CPED1: variants seen among roughly 807,000 people sequenced by gnomAD.
CPED1 encodes cadherin like and PC-esterase domain containing 1.
CPED1 carries 114 observed loss-of-function variants against 128.2 expected under a neutral mutation model. The ratio of observed to expected loss-of-function variants is 0.89; its 90% CI spans 0.76 to 1.04. The LOEUF (loss-of-function observed/expected upper bound fraction) is 1.04, where lower values mean the gene tolerates loss of function less well. CPED1 is among the 50% of genes least tolerant of loss of function. The probability of loss-of-function intolerance (pLI) is 0.00; values close to 1 mark genes in which losing one functional copy is unlikely to be tolerated. For missense variants in CPED1, 1,211 were observed against 1,207.1 expected (o/e 1.00, Z -0.05); for synonymous variants, 462 against 426.7 (o/e 1.08, Z -1.02).
intron 18 of CPED1, among the ~76,000 whole-genome samples, chr7:121,244,575 A>AGTCTT (rs1463495138): frequency 3.3e-5 from 5 of 152,220 alleles, no homozygotes; most frequent in African/African-American, 1.2e-4. Flanking sequence ...AGGATATTAA[A>AGTCTT]GTCTTGTCCT....
intron 6 of CPED1, 88 bp from the exon 7 acceptor site, chr7:121,099,838 A>G: frequency 7.3e-7 from 1 of 1,373,176 alleles, no homozygotes; most frequent in Non-Finnish European, 1.0e-6. Context: ...AAAGGATAGA[A>G]GCAGTTTACA....
In CPED1 at chr7:121,141,152, AT is replaced by A. The variant is rs547593347; in HGVS notation, c.1886+147del. 965 of 573,728 alleles carry A rather than the reference AT, an allele frequency of 1.7e-3. 3 individuals are homozygous for A. Among genetic ancestry groups the A allele is most frequent in the Non-Finnish European group, 2.4e-3 (841 of 350,986 alleles). 35.5% of individuals were successfully genotyped at this position (573,728 alleles called of 1,614,324 possible). ...CCAGGATGTGAACTTTCCCCTTCTC[AT>A]TTTTTTTAAAAAAGATTTGTAACCT... is the stretch of plus-strand genomic sequence containing the variant. On this transcript the variant is annotated intron_variant, in intron 15 of 22. Coordinates refer to ENST00000310396, the MANE Select transcript of CPED1 (RefSeq NM_024913.5).
At chr7:121,164,374 G>A (rs1273175723) in intron 16 of CPED1, among the ~76,000 whole-genome samples, 3 of 152,210 alleles carry the variant, frequency 2.0e-5, no homozygotes, top group Non-Finnish European at 4.4e-5. Flanking sequence ...CCGAAAGACA[G>A]TAGGACTATG....
chr7:121,217,039 GCA>G (rs1384065754), intron 16 of CPED1, among the ~76,000 whole-genome samples: 10 of 151,906 alleles, frequency 6.6e-5, no homozygotes, highest in African/African-American at 2.4e-4. Flanking sequence ...TTGAGAGGTT[GCA>G]CAGTTTTGGT....
At chr7:121,202,336 T>A (rs1025870466) in intron 16 of CPED1, among the ~76,000 whole-genome samples, 1 of 152,074 alleles carries the variant, frequency 6.6e-6, no homozygotes, top group Non-Finnish European at 1.5e-5. Flanking sequence ...CGGCAACCAG[T>A]CATTGGAGAC....
chr7:121,212,649 C>G (rs901073752), intron 16 of CPED1, among the ~76,000 whole-genome samples: 1 of 151,634 alleles, frequency 6.6e-6, no homozygotes, highest in African/African-American at 2.4e-5. Flanking sequence ...GGGGCTATGG[C>G]AGGCTCACAT....
At chr7:121,172,706 A>G (rs1046326963) in intron 16 of CPED1, among the ~76,000 whole-genome samples, 7 of 152,124 alleles carry the variant, frequency 4.6e-5, no homozygotes, top group South Asian at 2.1e-4. Flanking sequence ...AGATAGATGT[A>G]TTAGTTAAAA....
At chr7:120,998,241 C>T (rs763813402) in intron 2 of CPED1, among the ~76,000 whole-genome samples, 7 of 152,146 alleles carry the variant, frequency 4.6e-5, no homozygotes, top group Admixed American at 2.0e-4. Flanking sequence ...TATCCAGCTT[C>T]GAATACTTTG....
At chr7:121,207,404 TA>T (rs1192864337) in intron 16 of CPED1, among the ~76,000 whole-genome samples, 5 of 152,100 alleles carry the variant, frequency 3.3e-5, no homozygotes, top group African/African-American at 1.2e-4. Context: ...TAACTTAAAG[TA>T]AAAAATGTAA....
intron 5 of CPED1, among the ~76,000 whole-genome samples, chr7:121,090,156 G>A (rs1224953359): frequency 6.6e-6 from 1 of 152,192 alleles, no homozygotes; most frequent in Admixed American, 6.5e-5. Flanking sequence ...CTACAAAGAA[G>A]AGCGTTCATG....
rs1412919289 is a variant in CPED1, at chr7:121,219,602, T to G, written c.2056-17112T>G. Among the ~76,000 whole-genome samples, 3 of 152,014 alleles carry G rather than the reference T, an allele frequency of 2.0e-5. No homozygotes were observed. The East Asian group carries it at 5.8e-4, about 29-fold the overall frequency. On this transcript the variant is annotated intron_variant, in intron 16 of 22. Coordinates refer to ENST00000310396, the MANE Select transcript of CPED1 (RefSeq NM_024913.5). ...TCCTTGCAGACTAACTTAAAATTCT[T>G]TCACAGTATAATGAATAGCCACTTT... is the stretch of plus-strand genomic sequence containing the variant.
intron 2 of CPED1, among the ~76,000 whole-genome samples, chr7:121,009,336 G>A (rs535199625): frequency 1.3e-5 from 2 of 152,282 alleles, no homozygotes; most frequent in African/African-American, 4.8e-5. Flanking sequence ...GGCCACAGTG[G>A]CTCATGCCTG....
At chr7:121,130,085 T>C (rs754919826) in intron 11 of CPED1, 40 bp from the exon 12 acceptor site, 4 of 1,485,364 alleles carry the variant, frequency 2.7e-6, no homozygotes, top group Admixed American at 1.7e-5. Context: ...TACATTATAA[T>C]TTGTTTTCCA....
At chr7:121,218,156 T>A (rs1251754152) in intron 16 of CPED1, among the ~76,000 whole-genome samples, 1 of 151,174 alleles carries the variant, frequency 6.6e-6, no homozygotes, top group Non-Finnish European at 1.5e-5. Context: ...GGCTAATTTT[T>A]TTTTTTTTTT....
chr7:121,155,025 G>A (rs1019441014), intron 16 of CPED1, among the ~76,000 whole-genome samples: 2 of 151,944 alleles, frequency 1.3e-5, no homozygotes, highest in Admixed American at 6.6e-5. Flanking sequence ...GTTAAGTTGC[G>A]GGTTGCAAAA....
At chr7:121,028,885 T>C (rs1360247528) in intron 3 of CPED1, among the ~76,000 whole-genome samples, 1 of 152,204 alleles carries the variant, frequency 6.6e-6, no homozygotes, top group Non-Finnish European at 1.5e-5. Flanking sequence ...TAATTAATGT[T>C]GGATGTTTCT....
chr7:121,189,617 A>T (rs1166082351), intron 16 of CPED1, among the ~76,000 whole-genome samples: 1 of 151,742 alleles, frequency 6.6e-6, no homozygotes, highest in Non-Finnish European at 1.5e-5. Flanking sequence ...AAGGTTTGTT[A>T]AAAAAATTAA....
intron 16 of CPED1, among the ~76,000 whole-genome samples, chr7:121,220,932 C>A (rs959289927): frequency 2.6e-5 from 4 of 151,868 alleles, no homozygotes; most frequent in Non-Finnish European, 5.9e-5. Flanking sequence ...CTTTTAATAA[C>A]TTTTCTTATA....
At chr7:121,116,993 T>C (rs927337609) in intron 7 of CPED1, among the ~76,000 whole-genome samples, 45 of 145,784 alleles carry the variant, frequency 3.1e-4, no homozygotes, top group Admixed American at 1.4e-4. Flanking sequence ...CACACACACA[T>C]ATATATACAC....
Sources: allele counts gnomAD v4.1 joint callset (sites outside exome capture counted in the v4.1 genomes callset), GRCh38; gene constraint gnomAD v4.1.1; transcripts MANE v1.5; gene names NCBI Gene and HGNC (gene_info 2026-07-23, HGNC 2026-07-21).